EFNA5: variants seen among roughly 807,000 people sequenced by gnomAD.
EFNA5 encodes the protein ephrin A5, also known as ephrin-A5.
A neutral mutation model predicts 22.9 loss-of-function variants in EFNA5; 5 were observed. That is an observed-to-expected ratio of 0.22 (90% CI 0.11 to 0.46). The LOEUF is 0.46. Ranked by LOEUF, EFNA5 falls within the 20% of genes least tolerant of loss-of-function variation. The pLI is 0.99. For missense variants in EFNA5, 237 were observed against 293.3 expected, an observed-to-expected ratio of 0.81 and a Z score of 1.40; for synonymous variants, 113 against 112.2, an observed-to-expected ratio of 1.01 and a Z score of -0.04.
intron 1 of EFNA5, among the ~76,000 whole-genome samples, chr5:107,543,623 G>A (rs2112462189): frequency 6.6e-6 from 1 of 152,234 alleles, no homozygotes; most frequent in South Asian, 2.1e-4. Flanking sequence ...CTTTTCTGAA[G>A]TTATCGTTTG....
intron 1 of EFNA5, 80 bp downstream of exon 1, chr5:107,670,409 C>A: frequency 6.8e-7 from 1 of 1,460,114 alleles, no homozygotes; most frequent in Non-Finnish European, 9.0e-7. Flanking sequence ...GCGGTTGGTG[C>A]GCGCCGATCC....
At chr5:107,392,609 C>T (rs184976457) in intron 2 of EFNA5, among the ~76,000 whole-genome samples, 7 of 152,270 alleles carry the variant, frequency 4.6e-5, no homozygotes, top group African/African-American at 1.4e-4. Flanking sequence ...TCCTGGTCCA[C>T]GGAAACTGTG....
chr5:107,417,213 A>G (rs1748526111), intron 2 of EFNA5, among the ~76,000 whole-genome samples: 1 of 152,206 alleles, frequency 6.6e-6, no homozygotes, highest in South Asian at 2.1e-4. Context: ...AGTTGGAAAT[A>G]TTGTATATCT....
Position 107,592,015 on chromosome 5 carries a change from A to AAT in EFNA5, c.125+78472_125+78473dup, listed in dbSNP as rs1354659167. On this transcript the variant is annotated intron_variant, in intron 1 of 4. Transcript: ENST00000333274. ...AATATATATAATATATAATATATAT[A>AAT]ATATAATATATATTATATATTATAT... Among the ~76,000 whole-genome samples, 203 of 37,990 alleles carry AAT rather than the reference A, an allele frequency of 5.3e-3. 21 individuals carry two copies. The highest frequency in any genetic ancestry group is 0.038 in the African/African-American group (191 of 5,006). 24.9% of individuals were successfully genotyped at this position (37,990 alleles called of 152,430 possible). A position where few individuals can be genotyped will look rare whatever the true frequency, so the allele number is the denominator to read the frequency against.
chr5:107,436,844 CT>C (rs1429702406), intron 1 of EFNA5, among the ~76,000 whole-genome samples: 2 of 152,100 alleles, frequency 1.3e-5, no homozygotes, highest in Non-Finnish European at 2.9e-5. Flanking sequence ...CCATGTAGCC[CT>C]TTTGTATCTT....
chr5:107,436,145 G>C (rs925763104), intron 1 of EFNA5, among the ~76,000 whole-genome samples: 1 of 152,268 alleles, frequency 6.6e-6, no homozygotes, highest in East Asian at 1.9e-4. Context: ...TTTTAAAACT[G>C]CTATCTCCCA....
intron 2 of EFNA5, among the ~76,000 whole-genome samples, chr5:107,410,022 C>CTTTTTTT (rs70996956): frequency 1.1e-5 from 1 of 88,010 alleles, no homozygotes; most frequent in South Asian, 4.0e-4. Flanking sequence ...TGACATGATT[C>CTTTTTTT]TTTTTTTTTT....
At chr5:107,594,529 T>C (rs1749436638) in intron 1 of EFNA5, among the ~76,000 whole-genome samples, 1 of 152,154 alleles carries the variant, frequency 6.6e-6, no homozygotes, top group Non-Finnish European at 1.5e-5. Flanking sequence ...CCCTTACACA[T>C]AAGCTCAGAG....
intron 1 of EFNA5, among the ~76,000 whole-genome samples, chr5:107,442,940 A>AC (rs1749295137): frequency 6.6e-6 from 1 of 151,720 alleles, no homozygotes; most frequent in African/African-American, 2.4e-5. Context: ...AAAAAAAAAA[A>AC]AAAAAAAAAA....
At chr5:107,647,599 C>T (rs1008601038) in intron 1 of EFNA5, among the ~76,000 whole-genome samples, 1 of 152,084 alleles carries the variant, frequency 6.6e-6, no homozygotes. Flanking sequence ...TTAAGTTGAA[C>T]AGCTTTTATT....
chr5:107,514,878 C>T (rs1333145708), intron 1 of EFNA5, among the ~76,000 whole-genome samples: 2 of 152,140 alleles, frequency 1.3e-5, no homozygotes, highest in East Asian at 1.9e-4. Flanking sequence ...ATAGCAAGGG[C>T]ATGGGAGTCC....
At chr5:107,480,836 A>G (rs563938227) in intron 1 of EFNA5, among the ~76,000 whole-genome samples, 32 of 152,340 alleles carry the variant, frequency 2.1e-4, no homozygotes, top group African/African-American at 7.7e-4. Flanking sequence ...AATGGGGACA[A>G]ACAGGTCTCA....
intron 1 of EFNA5, among the ~76,000 whole-genome samples, chr5:107,644,276 T>C (rs188834802): frequency 1.2e-3 from 181 of 152,242 alleles, no homozygotes; most frequent in Non-Finnish European, 7.4e-5. Flanking sequence ...CTCAGATTCG[T>C]CAGACAAATA....
intron 1 of EFNA5, among the ~76,000 whole-genome samples, chr5:107,499,371 T>G (rs1252099128): frequency 6.6e-6 from 1 of 152,226 alleles, no homozygotes; most frequent in Non-Finnish European, 1.5e-5. Context: ...CAGCTGGAAT[T>G]CGGCAACTGT....
intron 1 of EFNA5, among the ~76,000 whole-genome samples, chr5:107,586,042 G>A (rs1418242267): frequency 2.6e-5 from 4 of 152,148 alleles, no homozygotes; most frequent in South Asian, 4.1e-4. Context: ...TAAAGCTAGA[G>A]TGGATGCAAT....
chr5:107,582,306 C>T (rs958476992), intron 1 of EFNA5, among the ~76,000 whole-genome samples: 1 of 152,172 alleles, frequency 6.6e-6, no homozygotes, highest in African/African-American at 2.4e-5. Context: ...TTTTAAACTA[C>T]TTGTATTCAT....
chr5:107,663,044 AAATAT>A, intron 1 of EFNA5, among the ~76,000 whole-genome samples: 1 of 152,250 alleles, frequency 6.6e-6, no homozygotes, highest in South Asian at 2.1e-4. Flanking sequence ...TCTGTCAACT[AAATAT>A]AAGAAGATAG....
chr5:107,585,078 T>G (rs1749156493), intron 1 of EFNA5, among the ~76,000 whole-genome samples: 1 of 152,192 alleles, frequency 6.6e-6, no homozygotes, highest in Non-Finnish European at 1.5e-5. Flanking sequence ...GCAGTCCCCA[T>G]GGGCTACAAA....
intron 1 of EFNA5, among the ~76,000 whole-genome samples, chr5:107,491,501 G>A (rs1402985371): frequency 3.3e-5 from 5 of 152,010 alleles, no homozygotes; most frequent in South Asian, 2.1e-4. Flanking sequence ...TAGTAGAGAC[G>A]GGTTTCACCA....
Sources: allele counts gnomAD v4.1 joint callset (sites outside exome capture counted in the v4.1 genomes callset), GRCh38; gene constraint gnomAD v4.1.1; transcripts MANE v1.5; gene names NCBI Gene and HGNC (gene_info 2026-07-23, HGNC 2026-07-21).